Variants in SCN8A observed in about 807,000 individuals in gnomAD.
The protein encoded by SCN8A is sodium voltage-gated channel alpha subunit 8, also known as sodium channel protein type 8 subunit alpha.
SCN8A carries 30 observed loss-of-function variants against 184.1 expected under a neutral mutation model. That is an observed-to-expected ratio of 0.16 (90% CI 0.12 to 0.22). The LOEUF (loss-of-function observed/expected upper bound fraction) is 0.22. Among genes scored for constraint, SCN8A ranks in the 10% least tolerant of loss-of-function variants. SCN8A has a pLI of 1.00. For missense variants in SCN8A, 1,057 were observed against 2,498.9 expected, an observed-to-expected ratio of 0.42 and a Z score of 12.30; for synonymous variants, 852 against 907.0, an observed-to-expected ratio of 0.94 and a Z score of 1.09.
intron 18 of SCN8A, chr12:51,770,278 T>C: frequency 1.7e-6 from 1 of 588,944 alleles, no homozygotes; most frequent in Non-Finnish European, 3.0e-6. Context: ...CTGACTACCC[T>C]TTTCTCCTCC....
intron 12 of SCN8A, among the ~76,000 whole-genome samples, chr12:51,736,797 T>C (rs1003310664): frequency 6.6e-6 from 1 of 152,228 alleles, no homozygotes; most frequent in Non-Finnish European, 1.5e-5. Context: ...GAACCACATA[T>C]GAAGAATCAG....
At chr12:51,639,755 C>T (rs1940401893) in intron 1 of SCN8A, among the ~76,000 whole-genome samples, 2 of 151,074 alleles carry the variant, frequency 1.3e-5, no homozygotes, top group African/African-American at 4.9e-5. Flanking sequence ...ATCAGTCAGT[C>T]AGTAGCGATC....
intron 1 of SCN8A, among the ~76,000 whole-genome samples, chr12:51,652,001 A>C (rs1940724021): frequency 6.6e-6 from 1 of 152,236 alleles, no homozygotes; most frequent in South Asian, 2.1e-4. Flanking sequence ...TCCAAACAAG[A>C]AGACTAAATA....
chr12:51,741,262 A>G (rs1331011559), intron 12 of SCN8A, among the ~76,000 whole-genome samples: 1 of 152,130 alleles, frequency 6.6e-6, no homozygotes, highest in Non-Finnish European at 1.5e-5. Flanking sequence ...ATTTTTTCTA[A>G]TGTAAGTATA....
At chr12:51,664,700 A>G (rs1018446784) in intron 2 of SCN8A, among the ~76,000 whole-genome samples, 1 of 151,972 alleles carries the variant, frequency 6.6e-6, no homozygotes, top group Non-Finnish European at 1.5e-5. Context: ...TTTTTGTTTT[A>G]TAGTTTTTAT....
At chr12:51,777,844 C>T (rs527549439) in intron 20 of SCN8A, among the ~76,000 whole-genome samples, 22 of 152,310 alleles carry the variant, frequency 1.4e-4, no homozygotes, top group African/African-American at 4.3e-4. Flanking sequence ...GACAAAGTTT[C>T]GTAAGATGAA....
intron 12 of SCN8A, among the ~76,000 whole-genome samples, chr12:51,727,944 T>C (rs1450807192): frequency 1.3e-5 from 2 of 151,986 alleles, no homozygotes; most frequent in Admixed American, 6.6e-5. Flanking sequence ...GGCGAGACTC[T>C]TTCTCAAAAA....
chr12:51,730,597 A>G (rs916901474), intron 12 of SCN8A, among the ~76,000 whole-genome samples: 1 of 152,164 alleles, frequency 6.6e-6, no homozygotes, highest in Non-Finnish European at 1.5e-5. Flanking sequence ...AAGTATATAT[A>G]TTTATGAGGT....
At chr12:51,756,607 C>G (rs1370501722) in intron 14 of SCN8A, among the ~76,000 whole-genome samples, 1 of 152,284 alleles carries the variant, frequency 6.6e-6, no homozygotes, top group Admixed American at 6.5e-5. Flanking sequence ...CCTCATACCA[C>G]TTCCAACTGC....
intron 20 of SCN8A, among the ~76,000 whole-genome samples, chr12:51,779,286 T>C (rs571953579): frequency 6.6e-6 from 1 of 152,024 alleles, no homozygotes; most frequent in Non-Finnish European, 1.5e-5. Flanking sequence ...CTAAAGGTAT[T>C]TTTAGGTCTG....
In SCN8A at chr12:51,811,283, C is replaced by G. The variant is rs1477102108; in HGVS notation, c.*3854C>G. The G allele has an allele frequency of 6.6e-6, 1 of 151,496 alleles. No individual in the cohort carries two copies. The highest frequency in any genetic ancestry group is 6.6e-5 in the Admixed American group (1 of 15,240). 9.4% of individuals were successfully genotyped at this position (151,496 alleles called of 1,614,324 possible). ...GAGAGATTGGAAGAAAAGCAAGGTC[C>G]TGACCCCCCCCAGATCCCCACTCAC... On this transcript the variant is annotated 3_prime_UTR_variant, in exon 27 of 27. Transcript: ENST00000627620.
At chr12:51,607,902 T>C (rs866313969) in intron 1 of SCN8A, among the ~76,000 whole-genome samples, 13 of 152,184 alleles carry the variant, frequency 8.5e-5, no homozygotes, top group South Asian at 2.1e-4. Context: ...TTTGGTTATG[T>C]CCTTTTCTGG....
intron 21 of SCN8A, among the ~76,000 whole-genome samples, chr12:51,783,172 G>A (rs1435208299): frequency 1.3e-5 from 2 of 152,160 alleles, no homozygotes; most frequent in African/African-American, 2.4e-5. Flanking sequence ...CCTGCCCTGT[G>A]GGTTTCCTAG....
chr12:51,624,001 C>T (rs1453172468), intron 1 of SCN8A, among the ~76,000 whole-genome samples: 1 of 152,162 alleles, frequency 6.6e-6, no homozygotes, highest in Non-Finnish European at 1.5e-5. Context: ...TTTCTTAATC[C>T]AGTCTATCAT....
At chr12:51,594,580 A>G (rs1470678249) in intron 1 of SCN8A, among the ~76,000 whole-genome samples, 2 of 152,242 alleles carry the variant, frequency 1.3e-5, no homozygotes, top group African/African-American at 2.4e-5. Flanking sequence ...GTCTAAGGAC[A>G]CTAAAGCTAT....
intron 1 of SCN8A, among the ~76,000 whole-genome samples, chr12:51,592,317 A>C (rs2138539803): frequency 6.6e-6 from 1 of 151,724 alleles, no homozygotes; most frequent in South Asian, 2.1e-4. Flanking sequence ...GACTTGGCTA[A>C]CTTTCCAGGG....
chr12:51,651,736 A>G (rs1433110940), intron 1 of SCN8A, among the ~76,000 whole-genome samples: 5 of 152,190 alleles, frequency 3.3e-5, no homozygotes, highest in Non-Finnish European at 7.3e-5. Context: ...ATCAGTGGAT[A>G]TCTCTTCTCT....
At chr12:51,680,649 A>G (rs1395483838) in intron 2 of SCN8A, among the ~76,000 whole-genome samples, 1 of 152,176 alleles carries the variant, frequency 6.6e-6, no homozygotes, top group Non-Finnish European at 1.5e-5. Flanking sequence ...CTCTAGACCT[A>G]TATTTCCATC....
chr12:51,723,025 T>A (rs1942093934), intron 12 of SCN8A: 1 of 152,264 alleles, frequency 6.6e-6, no homozygotes, highest in Non-Finnish European at 1.5e-5. Context: ...CACTTCAGTT[T>A]CTTCTAACAC....
Sources: allele counts gnomAD v4.1 joint callset (sites outside exome capture counted in the v4.1 genomes callset), GRCh38; gene constraint gnomAD v4.1.1; transcripts MANE v1.5; gene names NCBI Gene and HGNC (gene_info 2026-07-23, HGNC 2026-07-21).